RPGR: variants seen among roughly 807,000 people sequenced by gnomAD.
RPGR encodes the protein retinitis pigmentosa GTPase regulator, also known as X-linked retinitis pigmentosa GTPase regulator.
RPGR carries 10 observed loss-of-function variants against 56.3 expected under a neutral mutation model. The ratio of observed to expected loss-of-function variants is 0.18; its 90% CI spans 0.11 to 0.30. The LOEUF (loss-of-function observed/expected upper bound fraction) is 0.30. Ranked by LOEUF, RPGR falls within the 10% of genes least tolerant of loss-of-function variation. The pLI, the probability that RPGR is intolerant of heterozygous loss-of-function variation, is 1.00. For missense variants in RPGR, 538 were observed against 590.9 expected, an observed-to-expected ratio of 0.91 and a Z score of 0.93; for synonymous variants, 197 against 212.9, an observed-to-expected ratio of 0.93 and a Z score of 0.65.
chrX:38,275,548 A>G (rs1281828320), intron 16 of RPGR, among the ~76,000 whole-genome samples: 1 of 112,375 alleles, frequency 8.9e-6, no homozygotes, highest in East Asian at 2.8e-4. Context: ...CTTCTGAAAT[A>G]AAACAGTAAC....
At chrX:38,310,538 TA>T (rs748869430) in intron 7 of RPGR, 76 bp downstream of exon 7, 363 of 1,002,342 alleles carry the variant, frequency 3.6e-4, no homozygotes, top group Non-Finnish European at 4.3e-4. Flanking sequence ...AAAATGAACA[TA>T]AAAAAAATGA....
intron 3 of RPGR, 78 bp from the exon 4 acceptor site, chrX:38,321,167 G>T: frequency 1.4e-6 from 1 of 730,332 alleles, no homozygotes; most frequent in Non-Finnish European, 2.1e-6. Context: ...GTAACTAAGT[G>T]ATAGAACCGA....
At chrX:38,291,123 AT>A (rs10567683) in intron 12 of RPGR, 99 bp from the exon 13 acceptor site, 55 of 172,603 alleles carry the variant, frequency 3.2e-4, no homozygotes, top group African/African-American at 1.4e-3. Context: ...AATTATATAT[AT>A]TTTTTTATAT....
intron 17 of RPGR, chrX:38,273,581 G>A: frequency 6.9e-6 from 4 of 575,855 alleles, no homozygotes; most frequent in Middle Eastern, 7.0e-4. Flanking sequence ...GGGGTAATAC[G>A]AAAAGAGCTC....
intron 11 of RPGR, among the ~76,000 whole-genome samples, chrX:38,294,380 TTTA>T (rs1201278499): frequency 1.8e-5 from 2 of 110,895 alleles, no homozygotes; most frequent in African/African-American, 6.6e-5. Context: ...ATCCATGGAT[TTTA>T]TTATTATTTT....
At chrX:38,275,983 T>C (rs2066926481) in intron 16 of RPGR, among the ~76,000 whole-genome samples, 1 of 112,176 alleles carries the variant, frequency 8.9e-6, no homozygotes, top group Non-Finnish European at 1.9e-5. Context: ...ACCTACAAAC[T>C]ATCTCCTAGC....
chrX:38,294,992 T>C (rs1351700429), intron 11 of RPGR, among the ~76,000 whole-genome samples: 1 of 112,261 alleles, frequency 8.9e-6, no homozygotes, highest in Non-Finnish European at 1.9e-5. Flanking sequence ...AAAGTAGAAA[T>C]AGGATTGGAA....
rs150552288 is a variant in RPGR, at chrX:38,317,200, T to C, written c.619+116A>G. 6,371 of 773,266 alleles carry C rather than the reference T, an allele frequency of 8.2e-3. 42 individuals carry two copies. The highest frequency in any genetic ancestry group is 0.024 in the Middle Eastern group (79 of 3,238). 63.7% of individuals were successfully genotyped at this position (773,266 alleles called of 1,213,427 possible). ...CCTAAAACAGACCAAAATAATTTCA[T>C]TACATGGACAACCATGGCATTATTT... On this transcript the variant is annotated intron_variant, in intron 6 of 18. Transcript: ENST00000642395.
At chrX:38,301,581 T>C (rs1250501308) in intron 8 of RPGR, among the ~76,000 whole-genome samples, 1 of 111,249 alleles carries the variant, frequency 9.0e-6, no homozygotes, top group Non-Finnish European at 1.9e-5. Context: ...AATAAATCAA[T>C]TAACCTTGGT....
chrX:38,308,468 G>A (rs1467668354), intron 7 of RPGR, among the ~76,000 whole-genome samples: 1 of 111,387 alleles, frequency 9.0e-6, no homozygotes, highest in African/African-American at 3.3e-5. Flanking sequence ...AGATTATCTT[G>A]TTGCTCTTTA....
At chrX:38,279,961 AC>A (rs2067000988) in intron 15 of RPGR, among the ~76,000 whole-genome samples, 2 of 110,594 alleles carry the variant, frequency 1.8e-5, no homozygotes, top group African/African-American at 6.6e-5. Flanking sequence ...TTTTAACTAC[AC>A]TGAAAATCAT....
At chrX:38,327,256 C>CA in intron 1 of RPGR, 84 bp downstream of exon 1, 1 of 1,025,430 alleles carries the variant, frequency 9.8e-7, no homozygotes, top group Non-Finnish European at 1.3e-6. Flanking sequence ...GCCTGTCCCC[C>CA]TACAGGGCCG....
rs1355841276 is a variant in RPGR at position 38,321,016 on chromosome X, G to A, written c.310+11C>T. The A allele has an allele frequency of 8.5e-7, 1 of 1,182,660 alleles. No homozygotes were observed. The highest frequency in any genetic ancestry group is 1.2e-6 in the Non-Finnish European group (1 of 868,971). ...AGTCAGGCAGGAAATCATACAGGTT[G>A]AGCACTATACCTGTTGACACCAGGG... On this transcript the variant is annotated intron_variant, in intron 4 of 18. Coordinates refer to ENST00000642395, the MANE Select transcript of RPGR (RefSeq NM_000328.3).
intron 7 of RPGR, among the ~76,000 whole-genome samples, chrX:38,309,747 G>A (rs1385904648): frequency 9.0e-6 from 1 of 111,234 alleles, no homozygotes; most frequent in African/African-American, 3.3e-5. Flanking sequence ...AGAATCGCTT[G>A]AACTCAGGAG....
intron 12 of RPGR, 54 bp from the exon 13 acceptor site, chrX:38,291,078 T>C: frequency 3.4e-6 from 1 of 292,961 alleles, no homozygotes; most frequent in Non-Finnish European, 5.4e-6. Flanking sequence ...ATATACTATA[T>C]ATTTGTATAT....
intron 6 of RPGR, among the ~76,000 whole-genome samples, chrX:38,316,383 T>C (rs2067829591): frequency 8.9e-6 from 1 of 112,124 alleles, no homozygotes; most frequent in African/African-American, 3.2e-5. Flanking sequence ...TAACGGCTAA[T>C]GCAGAGTTCA....
At chrX:38,323,282 A>G in intron 2 of RPGR, 117 bp downstream of exon 2, 4 of 753,312 alleles carry the variant, frequency 5.3e-6, no homozygotes, top group Non-Finnish European at 7.8e-6. Context: ...CCAGCAAAGT[A>G]AAAAACAACA....
intron 15 of RPGR, chrX:38,286,689 C>T: frequency 5.2e-6 from 6 of 1,149,854 alleles, no homozygotes; most frequent in Non-Finnish European, 6.9e-6. Context: ...CTCCTTCCTC[C>T]TTTTCACGTT....
chrX:38,289,123 C>A (rs1480634788), intron 13 of RPGR, among the ~76,000 whole-genome samples: 1 of 111,140 alleles, frequency 9.0e-6, no homozygotes, highest in East Asian at 2.8e-4. Context: ...CCACAAAATT[C>A]ACAAAATAAA....
Sources: gnomAD v4.1 joint callset for allele counts (sites outside exome capture counted in the v4.1 genomes callset) on GRCh38, gnomAD v4.1.1 for gene constraint, MANE v1.5 for transcripts, NCBI Gene and HGNC (gene_info 2026-07-23, HGNC 2026-07-21) for gene names.